The following MATN2 variants were observed in gnomAD, a reference collection of about 807,000 sequenced individuals.
MATN2 encodes matrilin 2.
MATN2 carries 69 observed loss-of-function variants against 103.2 expected under a neutral mutation model. That is an observed-to-expected ratio of 0.67 (90% confidence interval 0.55 to 0.82). The LOEUF (loss-of-function observed/expected upper bound fraction) is 0.82, where lower values mean the gene tolerates loss of function less well. MATN2 is among the 40% of genes least tolerant of loss of function. The pLI is 0.00. For synonymous variants in MATN2, 429 were observed against 450.2 expected, an observed-to-expected ratio of 0.95 and a Z score of 0.60; for missense variants, 1,023 against 1,211.5, an observed-to-expected ratio of 0.84 and a Z score of 2.31.
chr8:97,989,673 C>T (rs921555880), intron 6 of MATN2, among the ~76,000 whole-genome samples: 2 of 151,794 alleles, frequency 1.3e-5, no homozygotes, highest in Non-Finnish European at 2.9e-5. Context: ...AGAGAAAGAT[C>T]AATAAATGGT....
intron 4 of MATN2, among the ~76,000 whole-genome samples, chr8:97,953,412 G>A (rs999089086): frequency 4.6e-5 from 7 of 152,190 alleles, no homozygotes; most frequent in Non-Finnish European, 8.8e-5. Context: ...AGGCCAGGGC[G>A]GGTAGATCGC....
chr8:98,001,462 CTTT>C (rs35005441), intron 7 of MATN2, among the ~76,000 whole-genome samples: 22,672 of 118,882 alleles, frequency 0.19, 2,291 homozygotes, highest in African/African-American at 0.35. Context: ...ACACTTTTGT[CTTT>C]TTTTTTTTTT....
chr8:98,026,105 G>C (rs149352339), intron 13 of MATN2, among the ~76,000 whole-genome samples: 14,058 of 146,808 alleles, frequency 0.096, 937 homozygotes, highest in Admixed American at 0.2. Flanking sequence ...CTTGAACCCA[G>C]GAAGTGGAGG....
At chr8:97,923,552 TC>T in intron 2 of MATN2, among the ~76,000 whole-genome samples, 1 of 125,956 alleles carries the variant, frequency 7.9e-6, no homozygotes, top group Non-Finnish European at 1.7e-5. Context: ...TCTCTCTCTC[TC>T]TCTCTGTCTC....
chr8:98,031,440 A>T (rs1189710495), intron 15 of MATN2: 1 of 152,182 alleles, frequency 6.6e-6, no homozygotes, highest in African/African-American at 2.4e-5. Flanking sequence ...CAGTATAATA[A>T]GTGTTTTGAC....
intron 2 of MATN2, among the ~76,000 whole-genome samples, chr8:97,897,722 G>T (rs1818859780): frequency 6.6e-6 from 1 of 152,184 alleles, no homozygotes; most frequent in African/African-American, 2.4e-5. Context: ...CCCCATGGAG[G>T]CGCTGTCATG....
Position 98,032,310 on chromosome 8 carries a change from G to A in MATN2, c.2574G>A (p.Gln858=). 6.2e-7 allele frequency: 1 copy of A among 1,609,894 alleles called. No individual in the cohort carries two copies. The change falls in exon 16 of 19, where the codon CAG becomes CAA. Residue 858 remains glutamine, a synonymous_variant. Transcript: ENST00000254898. The stretch of plus-strand genomic sequence containing the variant: ...GGGAACTGCCAAAAACGGTCCAACA[G>A]CCAACAGGTACAGTTTTTAAGGCAG... The part of the protein sequence containing the change: ...PAGELPKTVQ[Q]PTESEPVTIN...
chr8:97,994,572 A>G lies in MATN2; in HGVS notation c.1174A>G (p.Thr392Ala). 6.2e-7 allele frequency: 1 copy of G among 1,613,610 alleles called. No homozygotes were observed. The highest frequency in any genetic ancestry group is 8.5e-7 in the Non-Finnish European group (1 of 1,179,808). Reference protein sequence around the residue: ...SYSCHCLKGFTLNPDKKTCRR... With the variant: ...SYSCHCLKGFALNPDKKTCRR... ...TTCCTGCCACTGCCTGAAAGGCTTT[A>G]CCCTGAATCCAGATAAGAAAACCTG... Residue 392 changes from threonine (T) to alanine (A), a missense_variant, in exon 7 of 19, where the codon ACC (threonine) becomes GCC (alanine). Physicochemically the swap from Thr to Ala is moderately conservative, Grantham distance 58. Transcript: ENST00000254898.
At position 97,961,466 on chromosome 8, in the gene MATN2, G is replaced by A. The variant is rs745722691; in HGVS notation, c.894G>A (p.Pro298=). 2.1e-5 allele frequency: 34 copies of A among 1,613,618 alleles called. No homozygotes were observed. Among genetic ancestry groups the A allele is most frequent in the Admixed American group, 1.7e-4 (10 of 59,974 alleles). The part of the protein sequence containing the change: ...HNCEQLCVNV[P]GSFVCQCYSG... ...GTGAGCAGCTCTGTGTGAATGTGCC[G>A]GGCTCCTTCGTCTGCCAGTGCTACA... Residue 298 remains proline, a synonymous_variant, in exon 5 of 19, where the codon CCG becomes CCA. Coordinates refer to ENST00000254898, the MANE Select transcript of MATN2 (RefSeq NM_002380.5).
chr8:97,970,524 T>C (rs1457905800), intron 5 of MATN2, among the ~76,000 whole-genome samples: 3 of 152,174 alleles, frequency 2.0e-5, no homozygotes, highest in African/African-American at 7.2e-5. Flanking sequence ...TCAGTCTAGG[T>C]CCTGTTGCTT....
At chr8:98,025,037 G>C (rs1813737403) in intron 13 of MATN2, 1 of 152,194 alleles carries the variant, frequency 6.6e-6, no homozygotes, top group Non-Finnish European at 1.5e-5. Flanking sequence ...GAAAGGAGGA[G>C]AAAACAGACT....
intron 7 of MATN2, among the ~76,000 whole-genome samples, chr8:97,998,343 A>AC (rs1326922480): frequency 6.7e-6 from 1 of 149,238 alleles, no homozygotes; most frequent in African/African-American, 2.4e-5. Flanking sequence ...ACACGGTGAA[A>AC]CCCCGTCTCT....
chr8:97,901,771 A>G (rs1818991800), intron 2 of MATN2, among the ~76,000 whole-genome samples: 1 of 152,214 alleles, frequency 6.6e-6, no homozygotes, highest in South Asian at 2.1e-4. Context: ...GATCAGCAAA[A>G]TAAGTCCTTA....
At chr8:97,974,850 T>A (rs1444840542) in intron 5 of MATN2, among the ~76,000 whole-genome samples, 2 of 152,152 alleles carry the variant, frequency 1.3e-5, no homozygotes, top group African/African-American at 2.4e-5. Flanking sequence ...GGCTCTTAAG[T>A]TTTAGCGTGC....
chr8:97,971,084 A>AT (rs1811638589), intron 5 of MATN2, among the ~76,000 whole-genome samples: 1 of 152,206 alleles, frequency 6.6e-6, no homozygotes, highest in Non-Finnish European at 1.5e-5. Flanking sequence ...TTAGGCAGTC[A>AT]TAAATGGGGA....
intron 1 of MATN2, among the ~76,000 whole-genome samples, chr8:97,877,073 G>T (rs149639022): frequency 1.4e-5 from 2 of 148,002 alleles, no homozygotes; most frequent in Non-Finnish European, 3.0e-5. Flanking sequence ...TGGCATGATC[G>T]TAGTTCACTG....
chr8:97,986,901 C>T (rs780293790), intron 6 of MATN2, among the ~76,000 whole-genome samples: 3 of 152,060 alleles, frequency 2.0e-5, no homozygotes, highest in African/African-American at 7.2e-5. Flanking sequence ...GGCGCGATCT[C>T]GGCTCACTGC....
chr8:97,956,541 G>GCT (rs1489007594), intron 4 of MATN2, among the ~76,000 whole-genome samples: 1 of 152,202 alleles, frequency 6.6e-6, no homozygotes, highest in Non-Finnish European at 1.5e-5. Flanking sequence ...AGGGATAGTA[G>GCT]CTCTTGGTTT....
At chr8:98,013,304 C>A (rs1813237523) in intron 10 of MATN2, among the ~76,000 whole-genome samples, 1 of 152,184 alleles carries the variant, frequency 6.6e-6, no homozygotes, top group Non-Finnish European at 1.5e-5. Flanking sequence ...TTTTGCTGAA[C>A]AAATGTGAGT....
Sources: allele counts gnomAD v4.1 joint callset (sites outside exome capture counted in the v4.1 genomes callset), GRCh38; gene constraint gnomAD v4.1.1; transcripts MANE v1.5; gene names NCBI Gene and HGNC (gene_info 2026-07-23, HGNC 2026-07-21).